IFIT1: variants seen among roughly 807,000 people sequenced by gnomAD.
The protein encoded by IFIT1 is interferon induced protein with tetratricopeptide repeats 1, also known as antiviral innate immune response effector IFIT1.
A neutral mutation model predicts 2.5 loss-of-function variants in IFIT1; 1 was observed. The observed-to-expected ratio is 0.40, with a 90% CI of 0.14 to 1.92. The LOEUF is 1.92. Ranked by LOEUF, IFIT1 falls within the 40% of genes most tolerant of loss-of-function variation. The pLI is 0.31. For missense variants in IFIT1, 508 were observed against 557.8 expected (o/e 0.91, Z 0.90); for synonymous variants, 191 against 201.7 (o/e 0.95, Z 0.45).
In IFIT1 at chr10:89,402,677, T is replaced by C. The variant is rs746228100; in HGVS notation, c.402T>C (p.Tyr134=). Residue 134 remains tyrosine (Y), a synonymous_variant, in exon 2 of 2, where the codon TAT becomes TAC. Transcript: ENST00000371804. The part of the protein sequence containing the change: ...ICKKLSNPFR[Y]RMECPEIDCE... The stretch of plus-strand genomic sequence containing the variant: ...AGAAGCTTTCAAATCCCTTCCGCTA[T>C]AGAATGGAGTGTCCAGAAATAGACT... The C allele has an allele frequency of 1.2e-6, 2 of 1,614,182 alleles. No homozygotes were observed. Among genetic ancestry groups the C allele is most frequent in the South Asian group, 1.1e-5 (1 of 91,080 alleles).
chr10:89,395,639 C>T (rs1320583585), intron 1 of IFIT1, among the ~76,000 whole-genome samples: 1 of 152,098 alleles, frequency 6.6e-6, no homozygotes, highest in Non-Finnish European at 1.5e-5. Flanking sequence ...AACAAGTTTC[C>T]TATAAAAGGG....
chr10:89,395,762 C>T (rs899128605), intron 1 of IFIT1, among the ~76,000 whole-genome samples: 2 of 151,958 alleles, frequency 1.3e-5, no homozygotes, highest in Admixed American at 6.6e-5. Flanking sequence ...GAAGCTCTTT[C>T]AAGGCAGGGC....
Position 89,405,281 on chromosome 10 carries a change from T to C in IFIT1, c.*1569T>C, listed in dbSNP as rs552972737. The C allele has an allele frequency of 4.6e-5, 7 of 152,250 alleles. No individual in the cohort carries two copies. Among genetic ancestry groups the C allele is most frequent in the African/African-American group, 1.7e-4 (7 of 41,460 alleles). 9.4% of individuals were successfully genotyped at this position (152,250 alleles called of 1,614,324 possible). On this transcript the variant is annotated 3_prime_UTR_variant, in exon 2 of 2. Coordinates refer to ENST00000371804, the MANE Select transcript of IFIT1 (RefSeq NM_001548.5). ...ATATTAATCTAGTTAAATCAAGAAA[T>C]ATTACATGAAAATGTTGCTAAATCA... is the stretch of plus-strand genomic sequence containing the variant.
intron 1 of IFIT1, chr10:89,393,471 G>T: frequency 2.4e-6 from 1 of 408,918 alleles, no homozygotes. Flanking sequence ...GGGGGCTCAT[G>T]CTTGTAATCC....
Position 89,403,318 on chromosome 10 carries a change from G to T in IFIT1, c.1043G>T (p.Arg348Ile). 3.7e-6 allele frequency: 6 copies of T among 1,613,764 alleles called. No homozygotes were observed. The highest frequency in any genetic ancestry group is 5.1e-6 in the Non-Finnish European group (6 of 1,179,964). ...TFEVAHLDLA[R>I]MYIEAGNHRK... Reference sequence around the variant, plus strand: ...GAGGTGGCTCATCTAGACCTGGCAAGAATGTATATAGAAGCAGGCAATCAC... The same window carrying T: ...GAGGTGGCTCATCTAGACCTGGCAATAATGTATATAGAAGCAGGCAATCAC... Residue 348 changes from arginine to isoleucine, a missense_variant, in exon 2 of 2, where the codon AGA (arginine) becomes ATA (isoleucine). Physicochemically the swap from Arg to Ile is moderately conservative, Grantham distance 97 (BLOSUM62 -3). Transcript: ENST00000371804.
intron 1 of IFIT1, 139 bp downstream of exon 1, chr10:89,392,856 T>C: frequency 2.3e-6 from 2 of 857,438 alleles, no homozygotes; most frequent in South Asian, 1.5e-5. Context: ...ATGGACTGAA[T>C]GTGTGCATGC....
chr10:89,395,410 C>T (rs77419940), intron 1 of IFIT1, among the ~76,000 whole-genome samples: 1 of 152,224 alleles, frequency 6.6e-6, no homozygotes, highest in Non-Finnish European at 1.5e-5. Flanking sequence ...CCCATTGGCC[C>T]TGCAAGGCAT....
chr10:89,402,672 C>G lies in IFIT1; in HGVS notation c.397C>G (p.Arg133Gly), dbSNP rs376965843. The change falls in exon 2 of 2, where the codon CGC becomes GGC. Residue 133 changes from arginine (R) to glycine (G), a missense_variant. By Grantham distance (125) the Arg-to-Gly change is moderately radical. Coordinates refer to ENST00000371804, the MANE Select transcript of IFIT1 (RefSeq NM_001548.5). The part of the protein sequence containing the change: ...NICKKLSNPF[R>G]YRMECPEIDC... ...TTGCAAGAAGCTTTCAAATCCCTTC[C>G]GCTATAGAATGGAGTGTCCAGAAAT... 1 of 1,614,180 alleles carries G rather than the reference C, an allele frequency of 6.2e-7. No homozygotes were observed. The highest frequency in any genetic ancestry group is 1.7e-5 in the Admixed American group (1 of 60,024).
intron 1 of IFIT1, among the ~76,000 whole-genome samples, chr10:89,401,786 A>C (rs1363134237): frequency 1.7e-5 from 1 of 59,088 alleles, no homozygotes; most frequent in African/African-American, 1.3e-4. Context: ...AGTAAAAAAA[A>C]AATGAAAAAA....
At chr10:89,394,350 T>C (rs752132045) in intron 1 of IFIT1, among the ~76,000 whole-genome samples, 21 of 152,148 alleles carry the variant, frequency 1.4e-4, no homozygotes, top group Non-Finnish European at 3.1e-4. Context: ...GATCCTGATT[T>C]TACAATAAGG....
At chr10:89,402,253 C>G in intron 1 of IFIT1, 28 bp from the exon 2 acceptor site, 1 of 1,478,000 alleles carries the variant, frequency 6.8e-7, no homozygotes. Flanking sequence ...CCTCACCTAA[C>G]AAAGAAAATC....
In IFIT1 at chr10:89,403,308, G is replaced by C. The variant is rs773338960; in HGVS notation, c.1033G>C (p.Asp345His). The C allele has an allele frequency of 8.7e-6, 14 of 1,613,812 alleles. No individual in the cohort carries two copies. The highest frequency in any genetic ancestry group is 1.1e-5 in the Non-Finnish European group (13 of 1,180,008). ...GCCCACATTTGAGGTGGCTCATCTA[G>C]ACCTGGCAAGAATGTATATAGAAGC... ...KKPTFEVAHL[D>H]LARMYIEAGN... Residue 345 changes from aspartate (D) to histidine (H), a missense_variant, in exon 2 of 2, where the codon GAC becomes CAC. By Grantham distance (81) the Asp-to-His change is moderately conservative. Coordinates refer to ENST00000371804, the MANE Select transcript of IFIT1 (RefSeq NM_001548.5).
rs1844533377 is a variant in IFIT1 at position 89,406,460 on chromosome 10, C to T, written c.*2748C>T. The T allele has an allele frequency of 1.3e-5, 2 of 152,382 alleles. No homozygotes were observed. Among genetic ancestry groups the T allele is most frequent in the Non-Finnish European group, 2.9e-5 (2 of 68,110 alleles). 9.4% of individuals were successfully genotyped at this position (152,382 alleles called of 1,614,324 possible). A position where few individuals can be genotyped will look rare whatever the true frequency, so the allele number is the denominator to read the frequency against. ...ATGCTGTGGAAGTTTTGTTCTTTCG[C>T]TCTTTCAATAAATCTTGCTGCTGCT... On this transcript the variant is annotated 3_prime_UTR_variant, in exon 2 of 2. Transcript: ENST00000371804.
At chr10:89,401,453 A>C (rs1844422029) in intron 1 of IFIT1, among the ~76,000 whole-genome samples, 1 of 152,108 alleles carries the variant, frequency 6.6e-6, no homozygotes, top group Admixed American at 6.6e-5. Context: ...AAAATTACAG[A>C]GATGAAGAAC....
chr10:89,394,589 TATATATATATATATATA>T, intron 1 of IFIT1, among the ~76,000 whole-genome samples: 1 of 17,996 alleles, frequency 5.6e-5, no homozygotes, highest in Admixed American at 5.1e-4. Flanking sequence ...TATATATATA[TATATATATATATATATA>T]TATATATATA....
At chr10:89,394,467 A>G (rs531176091) in intron 1 of IFIT1, among the ~76,000 whole-genome samples, 1 of 151,562 alleles carries the variant, frequency 6.6e-6, no homozygotes, top group South Asian at 2.1e-4. Context: ...CTTTAAATCA[A>G]TGTTTCCCAA....
intron 1 of IFIT1, among the ~76,000 whole-genome samples, chr10:89,397,873 T>G (rs1283477902): frequency 6.6e-6 from 1 of 152,216 alleles, no homozygotes. Flanking sequence ...TGGAGTACCT[T>G]TGCCATAAAT....
chr10:89,401,094 T>C (rs1336009768), intron 1 of IFIT1, among the ~76,000 whole-genome samples: 1 of 152,068 alleles, frequency 6.6e-6, no homozygotes, highest in Non-Finnish European at 1.5e-5. Context: ...ACTATCCTTT[T>C]ATATGAAAGT....
Position 89,403,550 on chromosome 10 carries a change from G to T in IFIT1, c.1275G>T (p.Leu425Phe). 6.2e-7 allele frequency: 1 copy of T among 1,614,014 alleles called. No individual in the cohort carries two copies. The highest frequency in any genetic ancestry group is 8.5e-7 in the Non-Finnish European group (1 of 1,179,962). The change falls in exon 2 of 2, where the codon TTG (leucine) becomes TTT (phenylalanine). Residue 425 changes from leucine to phenylalanine, a missense_variant. Leu to Phe is a conservative substitution (Grantham distance 22). Coordinates refer to ENST00000371804, the MANE Select transcript of IFIT1 (RefSeq NM_001548.5). ...RDKSINSLKK[L>F]VLRKLRRKAL... is the part of the protein sequence containing the mutation. The stretch of plus-strand genomic sequence containing the variant: ...AAAGTATCAATTCTTTGAAGAAATT[G>T]GTTTTAAGGAAACTTCGGAGAAAGG...
Sources: allele counts gnomAD v4.1 joint callset (sites outside exome capture counted in the v4.1 genomes callset), GRCh38; gene constraint gnomAD v4.1.1; transcripts MANE v1.5; gene names NCBI Gene and HGNC (gene_info 2026-07-23, HGNC 2026-07-21).